The following NLRP11 variants were observed in gnomAD, a reference collection of about 807,000 sequenced individuals.
NLRP11 encodes NLR family pyrin domain containing 11.
A neutral mutation model predicts 79.3 loss-of-function variants in NLRP11; 53 were observed. That is an observed-to-expected ratio of 0.67 (90% CI 0.54 to 0.84). The LOEUF is 0.84. NLRP11 is among the 40% of genes least tolerant of loss of function. The pLI is 0.00. For synonymous variants in NLRP11, 518 were observed against 462.6 expected, an observed-to-expected ratio of 1.12 and a Z score of -1.54; for missense variants, 1,264 against 1,255.0, an observed-to-expected ratio of 1.01 and a Z score of -0.11.
chr19:55,809,991 A>T lies in NLRP11; in HGVS notation c.619T>A (p.Trp207Arg). 6.2e-7 allele frequency: 1 copy of T among 1,614,252 alleles called. No individual in the cohort carries two copies. The highest frequency in any genetic ancestry group is 1.1e-5 in the South Asian group (1 of 91,090). Residue 207 changes from tryptophan (W) to arginine (R), a missense_variant, in exon 3 of 10, where the codon TGG becomes AGG. Physicochemically the swap from Trp to Arg is moderately radical, Grantham distance 101. Coordinates refer to ENST00000589093, the Ensembl canonical transcript of NLRP11. The surrounding 1 kb of genome is among the most constrained non-coding windows in gnomAD (Gnocchi z 4.5). Reference sequence around the variant, plus strand: ...GCAATGGGAGCCTGGCCGTCAGGCCAGTCCTTGGCGATTAGCTCAGCCAAG... The same window carrying T: ...GCAATGGGAGCCTGGCCGTCAGGCCTGTCCTTGGCGATTAGCTCAGCCAAG...
intron 1 of NLRP11, among the ~76,000 whole-genome samples, chr19:55,819,429 C>A (rs574197767): frequency 1.3e-5 from 2 of 152,186 alleles, no homozygotes; most frequent in Non-Finnish European, 2.9e-5. Context: ...GTTTCAATGT[C>A]AGTCTAATCC....
At chr19:55,806,552 C>A (rs1980009113) in intron 4 of NLRP11, among the ~76,000 whole-genome samples, 1 of 152,196 alleles carries the variant, frequency 6.6e-6, no homozygotes, top group Non-Finnish European at 1.5e-5. Context: ...ACCATTGATT[C>A]TCACCTGGCA....
At chr19:55,835,599 T>C (rs866004843), upstream of NLRP11, among the ~76,000 whole-genome samples, 101 of 145,930 alleles carry the variant, frequency 6.9e-4, no homozygotes, top group African/African-American at 2.2e-3. Context: ...CCCGGCACTT[T>C]GGGAGGCCGA....
intron 4 of NLRP11, among the ~76,000 whole-genome samples, chr19:55,804,666 T>C (rs1979812171): frequency 6.6e-6 from 1 of 152,126 alleles, no homozygotes; most frequent in African/African-American, 2.4e-5. Flanking sequence ...TAGCTGGGCG[T>C]ACAGTCTTAT....
chr19:55,832,298 C>A (rs985546218), upstream of NLRP11, among the ~76,000 whole-genome samples: 3 of 152,178 alleles, frequency 2.0e-5, no homozygotes, highest in South Asian at 6.2e-4. Context: ...AAGTTTTCCA[C>A]CAATAATCTC....
intron 1 of NLRP11, among the ~76,000 whole-genome samples, chr19:55,821,928 A>G (rs1981780548): frequency 1.3e-5 from 2 of 152,212 alleles, no homozygotes; most frequent in African/African-American, 4.8e-5. Flanking sequence ...ATATTTGCCA[A>G]GAGGTCAGTT....
At chr19:55,806,309 A>G (rs1160104070) in intron 4 of NLRP11, among the ~76,000 whole-genome samples, 1 of 152,208 alleles carries the variant, frequency 6.6e-6, no homozygotes, top group Admixed American at 6.5e-5. Flanking sequence ...CTCTCTGGAC[A>G]CCTAATAGAC....
intron 1 of NLRP11, 78 bp from the exon 2 acceptor site, chr19:55,818,314 C>G (rs1568641173): frequency 1.5e-6 from 1 of 674,852 alleles, no homozygotes; most frequent in Non-Finnish European, 2.5e-6. Flanking sequence ...CTAGACAATT[C>G]CTGTGGTGTG....
At chr19:55,785,493 T>TCACACACACA (rs878891245) in exon 10 of NLRP11, 178 of 424,622 alleles carry the variant, frequency 4.2e-4, no homozygotes, top group South Asian at 1.3e-3. Context: ...TGGATCAAGG[T>TCACACACACA]CACACACACA....
At chr19:55,804,782 C>T (rs1046019282) in intron 4 of NLRP11, among the ~76,000 whole-genome samples, 9 of 150,634 alleles carry the variant, frequency 6.0e-5, no homozygotes, top group South Asian at 2.1e-4. Flanking sequence ...TAACAATTCA[C>T]GGCTGGGTGC....
intron 6 of NLRP11, among the ~76,000 whole-genome samples, chr19:55,793,052 T>A (rs1978430057): frequency 6.6e-6 from 1 of 152,192 alleles, no homozygotes; most frequent in South Asian, 2.1e-4. Context: ...TTTAAATAAT[T>A]TTTAAAAATA....
chr19:55,789,445 A>G lies in NLRP11; in HGVS notation c.2514-46T>C, dbSNP rs765337766. On this transcript the variant is annotated intron_variant, in intron 7 of 9. Coordinates refer to ENST00000589093, the Ensembl canonical transcript of NLRP11. ...CTAGAGTCATGACCACCTGTCTCCA[A>G]AGATTTATTTCACAGAGTGTTAAGC... 5 of 1,544,350 alleles carry G rather than the reference A, an allele frequency of 3.2e-6. No homozygotes were observed. The South Asian group carries it at 3.6e-5, about 11-fold the overall frequency.
chr19:55,819,972 A>C (rs561958053), intron 1 of NLRP11, among the ~76,000 whole-genome samples: 8 of 152,302 alleles, frequency 5.3e-5, no homozygotes, highest in Non-Finnish European at 1.0e-4. Flanking sequence ...CATGAAGTAC[A>C]TGGAAAGATA....
At chr19:55,801,767 A>T in intron 4 of NLRP11, 28 bp from the exon 5 acceptor site, 2 of 1,606,374 alleles carry the variant, frequency 1.2e-6, no homozygotes, top group Non-Finnish European at 1.7e-6. Flanking sequence ...GCAGGAAAGC[A>T]CTAGTGAAGG....
At chr19:55,813,616 T>C (rs2122845990) in intron 2 of NLRP11, among the ~76,000 whole-genome samples, 1 of 152,292 alleles carries the variant, frequency 6.6e-6, no homozygotes. Context: ...CTTAAATATC[T>C]GCAATTTGGA....
chr19:55,814,338 A>G (rs1980881207), intron 2 of NLRP11, among the ~76,000 whole-genome samples: 1 of 152,134 alleles, frequency 6.6e-6, no homozygotes, highest in Non-Finnish European at 1.5e-5. Flanking sequence ...TTATTTCATT[A>G]TATATTACAA....
At chr19:55,818,883 C>T (rs34524763) in intron 1 of NLRP11, among the ~76,000 whole-genome samples, 21,480 of 152,034 alleles carry the variant, frequency 0.14, 1,615 homozygotes, top group Middle Eastern at 0.18. Flanking sequence ...AATCTGTTAG[C>T]GCATAAAGCC....
At chr19:55,835,572 T>A (rs1219499415), upstream of NLRP11, among the ~76,000 whole-genome samples, 3 of 150,104 alleles carry the variant, frequency 2.0e-5, no homozygotes, top group Non-Finnish European at 4.4e-5. Flanking sequence ...CCAGGCACAG[T>A]GGCTCATGCC....
exon 9 of NLRP11, chr19:55,788,809 A>G (rs372285104): frequency 4.4e-6 from 7 of 1,598,332 alleles, no homozygotes; most frequent in Non-Finnish European, 6.0e-6. Flanking sequence ...CAACTTACCC[A>G]ACTACCTTAA....
Sources: allele counts gnomAD v4.1 joint callset (sites outside exome capture counted in the v4.1 genomes callset), GRCh38; gene constraint gnomAD v4.1.1; non-coding constraint Gnocchi (gnomAD v3.1); transcripts MANE v1.5; gene names NCBI Gene and HGNC (gene_info 2026-07-23, HGNC 2026-07-21).